The following LRCH1 variants were observed in gnomAD, a reference collection of about 807,000 sequenced individuals.
LRCH1 encodes the protein leucine rich repeats and calponin homology domain containing 1.
A neutral mutation model predicts 94.9 loss-of-function variants in LRCH1; 23 were observed. The ratio of observed to expected loss-of-function variants is 0.24; its 90% CI spans 0.17 to 0.34. The LOEUF (loss-of-function observed/expected upper bound fraction) is 0.34. Among genes scored for constraint, LRCH1 ranks in the 10% least tolerant of loss-of-function variants. The pLI, the probability that LRCH1 is intolerant of heterozygous loss-of-function variation, is 1.00. For missense variants in LRCH1, 790 were observed against 945.9 expected, an observed-to-expected ratio of 0.84 and a Z score of 2.16; for synonymous variants, 364 against 354.9, an observed-to-expected ratio of 1.03 and a Z score of -0.29.
At chr13:46,722,731 A>G (rs1264136939) in intron 16 of LRCH1, among the ~76,000 whole-genome samples, 1 of 152,272 alleles carries the variant, frequency 6.6e-6, no homozygotes, top group Non-Finnish European at 1.5e-5. Flanking sequence ...CACACCCTCA[A>G]ATATGTAATC....
chr13:46,560,024 C>G (rs1271521479), intron 1 of LRCH1, among the ~76,000 whole-genome samples: 1 of 151,808 alleles, frequency 6.6e-6, no homozygotes, highest in African/African-American at 2.4e-5. Context: ...CTTGTTTTGC[C>G]CGTGCTGTCC....
chr13:46,704,231 T>G (rs1051782373), intron 11 of LRCH1, among the ~76,000 whole-genome samples: 2 of 152,144 alleles, frequency 1.3e-5, no homozygotes, highest in Admixed American at 1.3e-4. Context: ...TTCTAACTAC[T>G]TTGGGGCTGA....
intron 1 of LRCH1, among the ~76,000 whole-genome samples, chr13:46,634,740 T>A (rs754309406): frequency 6.6e-6 from 1 of 152,220 alleles, no homozygotes; most frequent in Non-Finnish European, 1.5e-5. Context: ...AGGTTGTGAA[T>A]TGAGTCTTAT....
chr13:46,694,873 T>C lies in LRCH1; in HGVS notation c.1121-20T>C. On this transcript the variant is annotated intron_variant, in intron 8 of 19. Transcript: ENST00000389797. ...TGTTCATGAAATCATGCTTTCCATC[T>C]CTCTATATTTTCCTAATAGGGGAAT... is the stretch of plus-strand genomic sequence containing the variant. 6.2e-7 allele frequency: 1 copy of C among 1,613,548 alleles called. No homozygotes were observed. The highest frequency in any genetic ancestry group is 1.1e-5 in the South Asian group (1 of 91,058).
intron 1 of LRCH1, among the ~76,000 whole-genome samples, chr13:46,610,700 A>ATGTATATAT (rs1320188841): frequency 6.6e-6 from 1 of 152,134 alleles, no homozygotes; most frequent in East Asian, 1.9e-4. Context: ...ATCTCTGTAT[A>ATGTATATAT]TGTATATATC....
At chr13:46,598,600 A>C (rs1439496920) in intron 1 of LRCH1, among the ~76,000 whole-genome samples, 1 of 152,044 alleles carries the variant, frequency 6.6e-6, no homozygotes, top group Non-Finnish European at 1.5e-5. Context: ...ACAACAAAAA[A>C]AAAAGAACAC....
chr13:46,726,857 A>G (rs1408342992), intron 17 of LRCH1, among the ~76,000 whole-genome samples: 2 of 80,946 alleles, frequency 2.5e-5, no homozygotes, highest in African/African-American at 7.7e-5. Context: ...CTGCTAGAGC[A>G]GTGTCAAAAA....
chr13:46,632,201 T>TA (rs569633060), intron 1 of LRCH1, among the ~76,000 whole-genome samples: 9,556 of 142,374 alleles, frequency 0.067, 425 homozygotes, highest in East Asian at 0.26. Context: ...AGACTCTGTC[T>TA]AAAAAAAAAA....
intron 1 of LRCH1, among the ~76,000 whole-genome samples, chr13:46,613,841 T>C (rs1222615346): frequency 6.6e-6 from 1 of 152,214 alleles, no homozygotes; most frequent in East Asian, 1.9e-4. Flanking sequence ...ACTCCAGGGC[T>C]TTTGAAGTGG....
At chr13:46,633,857 C>G (rs943921889) in intron 1 of LRCH1, among the ~76,000 whole-genome samples, 6 of 151,858 alleles carry the variant, frequency 4.0e-5, no homozygotes, top group African/African-American at 1.5e-4. Context: ...ACCATCACCT[C>G]CAAACCTGTT....
chr13:46,632,777 A>T (rs2051034878), intron 1 of LRCH1, among the ~76,000 whole-genome samples: 1 of 152,242 alleles, frequency 6.6e-6, no homozygotes, highest in African/African-American at 2.4e-5. Flanking sequence ...TGAGAGGAAA[A>T]AGAGAAGTCT....
At chr13:46,745,172 C>T (rs942570053), downstream of LRCH1, among the ~76,000 whole-genome samples, 1 of 152,156 alleles carries the variant, frequency 6.6e-6, no homozygotes, top group African/African-American at 2.4e-5. Flanking sequence ...TGGGATTACC[C>T]AGTTCTGCTT....
In LRCH1 at chr13:46,600,654, C is replaced by CACACACAG. The variant is rs138619869; in HGVS notation, c.307+46952_307+46953insCACACAGA. Among the ~76,000 whole-genome samples the CACACACAG allele has an allele frequency of 3.1e-4, 47 of 151,276 alleles. No homozygotes were observed. The East Asian group carries it at 6.4e-3, about 21-fold the overall frequency. On this transcript the variant is annotated intron_variant, in intron 1 of 19. Coordinates refer to ENST00000389797, the MANE Select transcript of LRCH1 (RefSeq NM_001164211.2). ...ACACACACACACACACACACACACA[C>CACACACAG]AGAACCTGAAGTATTTGTTGCAAGT...
At chr13:46,647,502 T>C (rs1336846158) in intron 1 of LRCH1, among the ~76,000 whole-genome samples, 1 of 152,234 alleles carries the variant, frequency 6.6e-6, no homozygotes, top group African/African-American at 2.4e-5. Context: ...AAGCTCTTTC[T>C]GTTTATAAAA....
intron 1 of LRCH1, among the ~76,000 whole-genome samples, chr13:46,647,677 T>C (rs2051239603): frequency 1.3e-5 from 2 of 152,192 alleles, no homozygotes; most frequent in South Asian, 4.1e-4. Flanking sequence ...CCTTCCCCAT[T>C]CTGAGATCGT....
At chr13:46,554,823 G>A (rs1843089325) in intron 1 of LRCH1, among the ~76,000 whole-genome samples, 1 of 144,420 alleles carries the variant, frequency 6.9e-6, no homozygotes, top group Non-Finnish European at 1.5e-5. Context: ...CTCCGTTTTG[G>A]AGCCGCTGCC....
intron 3 of LRCH1, chr13:46,679,978 A>G (rs9534465): frequency 0.016 from 2,457 of 152,354 alleles, 23 homozygotes; most frequent in Middle Eastern, 0.034. Flanking sequence ...GGGGGTGTTC[A>G]CTGGATTGGT....
intron 7 of LRCH1, among the ~76,000 whole-genome samples, chr13:46,689,401 TC>T (rs1374326361): frequency 6.6e-6 from 1 of 152,186 alleles, no homozygotes; most frequent in Non-Finnish European, 1.5e-5. Context: ...ATCTTTAATA[TC>T]TTTAATATTT....
intron 16 of LRCH1, among the ~76,000 whole-genome samples, chr13:46,717,055 CTT>C (rs11304827): frequency 1.3e-5 from 2 of 148,640 alleles, no homozygotes; most frequent in African/African-American, 2.5e-5. Context: ...AACCAAAGGC[CTT>C]TTTTTTTTTA....
Sources: gnomAD v4.1 joint callset for allele counts (sites outside exome capture counted in the v4.1 genomes callset) on GRCh38, gnomAD v4.1.1 for gene constraint, MANE v1.5 for transcripts, NCBI Gene and HGNC (gene_info 2026-07-23, HGNC 2026-07-21) for gene names.